PXK: variants seen among roughly 807,000 people sequenced by gnomAD.
The protein encoded by PXK is PX domain containing serine/threonine kinase like, also known as PX domain-containing protein kinase-like protein.
PXK carries 35 observed loss-of-function variants against 84.7 expected under a neutral mutation model. The ratio of observed to expected loss-of-function variants is 0.41; its 90% CI spans 0.32 to 0.55. The LOEUF (loss-of-function observed/expected upper bound fraction) is 0.55. Among genes scored for constraint, PXK ranks in the 20% least tolerant of loss-of-function variants. The probability of loss-of-function intolerance (pLI) is 0.21; values close to 1 mark genes in which losing one functional copy is unlikely to be tolerated. For synonymous variants in PXK, 253 were observed against 260.8 expected (o/e 0.97, Z 0.29); for missense variants, 634 against 699.7 (o/e 0.91, Z 1.06).
At chr3:58,350,420 C>G (rs2097900512) in intron 1 of PXK, among the ~76,000 whole-genome samples, 1 of 152,184 alleles carries the variant, frequency 6.6e-6, no homozygotes, top group African/African-American at 2.4e-5. Flanking sequence ...CTTGTCCTTA[C>G]TCTGCCCTTC....
intron 17 of PXK, chr3:58,420,660 T>C (rs1430287515): frequency 2.0e-6 from 3 of 1,526,204 alleles, no homozygotes; most frequent in African/African-American, 1.4e-5. Context: ...GCTGAAGTGA[T>C]GAACAAGTGG....
At chr3:58,345,235 C>T (rs2097794738) in intron 1 of PXK, among the ~76,000 whole-genome samples, 1 of 152,126 alleles carries the variant, frequency 6.6e-6, no homozygotes, top group South Asian at 2.1e-4. Context: ...GAGTGGTTAA[C>T]AGAGGAGCCA....
In PXK at chr3:58,416,413, A is replaced by G. The variant is rs1217869737; in HGVS notation, c.1528+3450A>G. Among the ~76,000 whole-genome samples, 8 of 152,164 alleles carry G rather than the reference A, an allele frequency of 5.3e-5. No individual in the cohort carries two copies. Among genetic ancestry groups the G allele is most frequent in the East Asian group, 1.9e-4 (1 of 5,192 alleles). ...AAAGTTGGGGGCGGTCCCAGTTTCT[A>G]TCTCATTGTGATTGGACAAAAAGGG... On this transcript the variant is annotated intron_variant, in intron 17 of 17. Coordinates refer to ENST00000356151, the MANE Select transcript of PXK (RefSeq NM_017771.5). The surrounding 1 kb of genome is among the most constrained non-coding windows in gnomAD (Gnocchi z 4.8).
At chr3:58,356,950 T>C (rs954788306) in intron 1 of PXK, among the ~76,000 whole-genome samples, 12 of 150,402 alleles carry the variant, frequency 8.0e-5, no homozygotes, top group African/African-American at 2.7e-4. Context: ...TGAAAACAGT[T>C]CCCTTTTGAT....
At position 58,333,645 on chromosome 3, in the gene PXK, C is replaced by G. The variant is rs1037939670; in HGVS notation, c.102+555C>G. On this transcript the variant is annotated intron_variant, in intron 1 of 17. Coordinates refer to ENST00000356151, the MANE Select transcript of PXK (RefSeq NM_017771.5). The surrounding 1 kb of genome is among the most constrained non-coding windows in gnomAD (Gnocchi z 5.4). ...TCCAGGTCAGCCGCTTGGCCCTGGT[C>G]CCGGGAAGTGGTGGGGGCGGCAGTC... The G allele has an allele frequency of 6.6e-6, 3 of 456,592 alleles. No homozygotes were observed. The highest frequency in any genetic ancestry group is 1.3e-5 in the Non-Finnish European group (3 of 226,930). 28.3% of individuals were successfully genotyped at this position (456,592 alleles called of 1,614,324 possible). A position where few individuals can be genotyped will look rare whatever the true frequency, so the allele number is the denominator to read the frequency against.
intron 1 of PXK, among the ~76,000 whole-genome samples, chr3:58,359,185 A>G (rs1433491636): frequency 1.3e-5 from 2 of 152,198 alleles, no homozygotes; most frequent in African/African-American, 4.8e-5. Context: ...GCAAATGCTT[A>G]CTTAGTAGCT....
chr3:58,386,205 G>A lies in PXK; in HGVS notation c.388+3505G>A, dbSNP rs188019747. ...TTTGAATTAGAAAGTCTAATTGAGGGCCAGCTGTTGTGCAGGGAAAACAGG... is the reference window on the plus strand; with the variant it reads ...TTTGAATTAGAAAGTCTAATTGAGGACCAGCTGTTGTGCAGGGAAAACAGG... On this transcript the variant is annotated intron_variant, in intron 4 of 17. Transcript: ENST00000356151. Among the ~76,000 whole-genome samples, 204 of 151,936 alleles carry A rather than the reference G, an allele frequency of 1.3e-3. 4 individuals carry two copies. Among genetic ancestry groups the A allele is most frequent in the Admixed American group, 0.013 (202 of 15,266 alleles).
chr3:58,384,958 G>A (rs1325455422), intron 4 of PXK, among the ~76,000 whole-genome samples: 1 of 152,188 alleles, frequency 6.6e-6, no homozygotes, highest in Non-Finnish European at 1.5e-5. Flanking sequence ...CCCCCAGAGA[G>A]GGAGGGCCCT....
rs568804738 is a variant in PXK at position 58,370,960 on chromosome 3, G to A, written c.201+1482G>A. Among the ~76,000 whole-genome samples the A allele has an allele frequency of 3.3e-5, 5 of 152,284 alleles. No individual in the cohort carries two copies. The highest frequency in any genetic ancestry group is 3.4e-3 in the Middle Eastern group (1 of 294). On this transcript the variant is annotated intron_variant, in intron 3 of 17. Coordinates refer to ENST00000356151, the MANE Select transcript of PXK (RefSeq NM_017771.5). This position sits in a 1 kb window ranked among gnomAD's most constrained non-coding sequence, Gnocchi z 4.2. ...TTGCAGTGAGCCAAGAATGCACCAC[G>A]TTGCACTGCATCCTGGGCAATAGAG...
intron 2 of PXK, among the ~76,000 whole-genome samples, chr3:58,368,542 G>A (rs904357232): frequency 8.0e-5 from 12 of 150,712 alleles, no homozygotes; most frequent in Admixed American, 5.3e-4. Flanking sequence ...GGCTGGTCTC[G>A]AACTCCTGGC....
chr3:58,384,771 T>G (rs1436342493), intron 4 of PXK, among the ~76,000 whole-genome samples: 2 of 152,344 alleles, frequency 1.3e-5, no homozygotes, highest in Non-Finnish European at 2.9e-5. Context: ...ATGCCATTTA[T>G]TCAACAAATG....
chr3:58,363,686 T>G (rs2098225959), intron 1 of PXK, among the ~76,000 whole-genome samples: 1 of 152,216 alleles, frequency 6.6e-6, no homozygotes, highest in Admixed American at 6.5e-5. Flanking sequence ...ACTATCATGT[T>G]GCCTAAAAAT....
chr3:58,332,924 G>GTC lies in PXK; in HGVS notation c.-65_-64insTC. 1 of 1,068,950 alleles carries GTC rather than the reference G, an allele frequency of 9.4e-7. No homozygotes were observed. Among genetic ancestry groups the GTC allele is most frequent in the Non-Finnish European group, 1.2e-6 (1 of 830,750 alleles). 66.2% of individuals were successfully genotyped at this position (1,068,950 alleles called of 1,614,324 possible). On this transcript the variant is annotated 5_prime_UTR_variant, in exon 1 of 18. Transcript: ENST00000356151. This position sits in a 1 kb window ranked among gnomAD's most constrained non-coding sequence, Gnocchi z 5.6. ...GCGGCGGCGGTGGAACCGGGCGGGC[G>GTC]GCGGGAGTCGGCGCCTCGGGTTCCT...
chr3:58,391,921 A>G, intron 7 of PXK, 74 bp downstream of exon 7: 1 of 1,377,792 alleles, frequency 7.3e-7, no homozygotes, highest in Non-Finnish European at 1.0e-6. Context: ...GAACATGGAC[A>G]GAAAAGCTGG....
intron 17 of PXK, chr3:58,420,509 TTCTC>T (rs780468782): frequency 6.4e-5 from 98 of 1,530,118 alleles, no homozygotes; most frequent in Non-Finnish European, 7.8e-5. Context: ...TGTCCCCCCT[TTCTC>T]TCTCTCTCTT....
chr3:58,359,731 G>T (rs59956777), intron 1 of PXK, among the ~76,000 whole-genome samples: 66 of 152,028 alleles, frequency 4.3e-4, no homozygotes, highest in Non-Finnish European at 8.4e-4. Context: ...TCAGTAAAAC[G>T]AACCTAAGTT....
At chr3:58,366,203 C>T (rs1212363512) in intron 2 of PXK, among the ~76,000 whole-genome samples, 1 of 152,086 alleles carries the variant, frequency 6.6e-6, no homozygotes, top group African/African-American at 2.4e-5. Flanking sequence ...ATGCAAATTA[C>T]TTGTTTTCTT....
chr3:58,424,776 C>T lies in PXK; in HGVS notation c.1553C>T (p.Pro518Leu). 6.2e-7 allele frequency: 1 copy of T among 1,614,048 alleles called. No individual in the cohort carries two copies. The highest frequency in any genetic ancestry group is 8.5e-7 in the Non-Finnish European group (1 of 1,180,010). ...TSGISALPPP[P>L]PPPPPPAAPL... ...GGGATATCTGCATTACCTCCACCTC[C>T]TCCACCTCCACCACCACCAGCAGCT... The change falls in exon 18 of 18, where the codon CCT (proline) becomes CTT (leucine). Residue 518 changes from proline to leucine, a missense_variant. Transcript: ENST00000356151.
intron 2 of PXK, among the ~76,000 whole-genome samples, chr3:58,367,655 T>C (rs1366032999): frequency 6.6e-6 from 1 of 152,142 alleles, no homozygotes; most frequent in African/African-American, 2.4e-5. Context: ...CCATGTAGAA[T>C]GTGATTGAAC....
Sources: gnomAD v4.1 joint callset for allele counts (sites outside exome capture counted in the v4.1 genomes callset) on GRCh38, gnomAD v4.1.1 for gene constraint, Gnocchi (gnomAD v3.1) non-coding constraint, MANE v1.5 for transcripts, NCBI Gene and HGNC (gene_info 2026-07-23, HGNC 2026-07-21) for gene names.